XRRA1: variants seen among roughly 807,000 people sequenced by gnomAD.
XRRA1 encodes X-ray radiation resistance-associated protein 1.
In XRRA1, 69 loss-of-function variants were observed where a neutral mutation model predicts 80.2. The ratio of observed to expected loss-of-function variants is 0.86; its 90% CI spans 0.71 to 1.05. The LOEUF (loss-of-function observed/expected upper bound fraction) is 1.05. Among genes scored for constraint, XRRA1 ranks in the 50% least tolerant of loss-of-function variants. The pLI is 0.00. For missense variants in XRRA1, 967 were observed against 976.4 expected (o/e 0.99, Z 0.13); for synonymous variants, 348 against 389.9 (o/e 0.89, Z 1.27).
At position 74,863,853 on chromosome 11, in the gene XRRA1, A is replaced by C. The variant is rs377169713; in HGVS notation, c.1004-832T>G. 21 of 152,328 alleles carry C rather than the reference A, an allele frequency of 1.4e-4. No individual in the cohort carries two copies. The East Asian group carries it at 2.9e-3, about 21-fold the overall frequency. The allele number at this position is 152,328 out of a possible 1,614,324, so 9.4% of individuals were successfully genotyped here. On this transcript the variant is annotated intron_variant, in intron 10 of 18. Transcript: ENST00000684022. ...TTGGGAAAGCTTTGTGCAATGAACA[A>C]AGTAGGAATTCCCTGGGGGATGGGC... is the stretch of plus-strand genomic sequence containing the variant.
chr11:74,908,326 G>A (rs2055089056), intron 8 of XRRA1, among the ~76,000 whole-genome samples: 1 of 152,152 alleles, frequency 6.6e-6, no homozygotes, highest in Admixed American at 6.5e-5. Context: ...ACTAGAACCT[G>A]GGTCTGCCTG....
intron 10 of XRRA1, among the ~76,000 whole-genome samples, chr11:74,875,885 C>A (rs1218334392): frequency 6.6e-6 from 1 of 152,100 alleles, no homozygotes; most frequent in African/African-American, 2.4e-5. Flanking sequence ...TAATAATAAT[C>A]CCCTTAACAG....
chr11:74,907,786 T>A (rs1565379792), intron 8 of XRRA1, among the ~76,000 whole-genome samples: 1 of 152,182 alleles, frequency 6.6e-6, no homozygotes. Flanking sequence ...AGTGAGGCTC[T>A]CTTCTCAAGT....
intron 12 of XRRA1, among the ~76,000 whole-genome samples, chr11:74,858,759 G>C (rs1294873994): frequency 1.3e-5 from 2 of 152,152 alleles, no homozygotes; most frequent in African/African-American, 2.4e-5. Flanking sequence ...TATTAGGTTA[G>C]ACACCTCCCC....
intron 8 of XRRA1, chr11:74,919,639 A>G (rs1215932533): frequency 5.4e-6 from 3 of 558,220 alleles, no homozygotes; most frequent in South Asian, 1.5e-5. Context: ...TCTGCCATCA[A>G]TGAGGTGGTG....
At chr11:74,919,129 G>A (rs1355298966) in intron 8 of XRRA1, 1 of 152,168 alleles carries the variant, frequency 6.6e-6, no homozygotes, top group African/African-American at 2.4e-5. Flanking sequence ...TCTATCACTG[G>A]TGATATTTTA....
intron 10 of XRRA1, among the ~76,000 whole-genome samples, chr11:74,873,772 G>GGT (rs1191682610): frequency 2.0e-5 from 3 of 152,228 alleles, no homozygotes; most frequent in South Asian, 4.2e-4. Context: ...GAAGTACCTG[G>GGT]GTGTAGTGTT....
intron 8 of XRRA1, among the ~76,000 whole-genome samples, chr11:74,911,945 G>A (rs1052157815): frequency 3.3e-5 from 5 of 152,196 alleles, no homozygotes; most frequent in South Asian, 2.1e-4. Flanking sequence ...TATGAATTTC[G>A]GATCCTAAAG....
intron 8 of XRRA1, among the ~76,000 whole-genome samples, chr11:74,920,216 T>C (rs1940300019): frequency 6.6e-6 from 1 of 152,172 alleles, no homozygotes; most frequent in African/African-American, 2.4e-5. Context: ...AACCAATAAA[T>C]TCCCTTTTTT....
chr11:74,866,654 T>TAAAA (rs57326749), intron 10 of XRRA1, among the ~76,000 whole-genome samples: 7 of 135,378 alleles, frequency 5.2e-5, no homozygotes, highest in African/African-American at 1.9e-4. Flanking sequence ...TTGAAATAAT[T>TAAAA]AAAAAAAAAA....
chr11:74,851,992 G>A lies in XRRA1; in HGVS notation c.1261C>T (p.Arg421Ter), dbSNP rs201676904. ...FHNNPLVAHT[R>*]GVPPLLKSFL... ...GGCAGGTTTGCGGGCACTATACCTCGTGTATGGGCCACCAGAGGGTTGTTA... is the reference window on the plus strand; with the variant it reads ...GGCAGGTTTGCGGGCACTATACCTCATGTATGGGCCACCAGAGGGTTGTTA... Residue 421 changes from arginine to a stop codon, truncating the protein, a stop_gained, in exon 13 of 19, where the codon CGA becomes TGA. Transcript: ENST00000684022. LOFTEE classifies it high-confidence loss of function. 2.7e-4 allele frequency: 433 copies of A among 1,613,548 alleles called. 2 individuals are homozygous for A. The highest frequency in any genetic ancestry group is 6.7e-5 in the Admixed American group (4 of 60,002).
At position 74,843,491 on chromosome 11, in the gene XRRA1, C is replaced by G. The variant is rs564528281; in HGVS notation, c.2150-38G>C. 6.3e-6 allele frequency: 10 copies of G among 1,593,632 alleles called. 1 individual carries two copies. The South Asian group carries it at 1.1e-4, about 18-fold the overall frequency. On this transcript the variant is annotated intron_variant, in intron 18 of 18. Coordinates refer to ENST00000684022, the MANE Select transcript of XRRA1 (RefSeq NM_001378157.1). ...AAGCCAGGAGAGGCACCAAGCTCAT[C>G]CTGGTTCTCACCTAGCCAGAAGCAA...
In XRRA1 at chr11:74,845,210, T is replaced by A; in HGVS notation, c.1790A>T (p.Gln597Leu). Reference sequence around the variant, plus strand: ...TCTGGGTGCCGTTGGTGGTTTCTTTTGGTCTTTCTCCTTTAACTCTAAATC... The same window carrying A: ...TCTGGGTGCCGTTGGTGGTTTCTTTAGGTCTTTCTCCTTTAACTCTAAATC... Reference protein sequence around the residue: ...KDDLELKEKDQKKPPTAPREV... With the variant: ...KDDLELKEKDLKKPPTAPREV... Residue 597 changes from glutamine to leucine, a missense_variant, in exon 16 of 19, where the codon CAA (glutamine) becomes CTA (leucine). Physicochemically the swap from Gln to Leu is moderately radical, Grantham distance 113 (BLOSUM62 -2). Transcript: ENST00000684022. The A allele has an allele frequency of 6.2e-7, 1 of 1,614,056 alleles. No homozygotes were observed. Among genetic ancestry groups the A allele is most frequent in the East Asian group, 2.2e-5 (1 of 44,882 alleles).
chr11:74,857,992 T>C (rs1277906079), intron 12 of XRRA1, among the ~76,000 whole-genome samples: 1 of 152,202 alleles, frequency 6.6e-6, no homozygotes, highest in Admixed American at 6.5e-5. Flanking sequence ...TACATGCTTA[T>C]ATTAGAAAGA....
chr11:74,845,260 C>T lies in XRRA1; in HGVS notation c.1740G>A (p.Leu580=). The T allele has an allele frequency of 6.2e-7, 1 of 1,612,714 alleles. No individual in the cohort carries two copies. Among genetic ancestry groups the T allele is most frequent in the Non-Finnish European group, 8.5e-7 (1 of 1,179,168 alleles). The change falls in exon 16 of 19, where the codon CTG becomes CTA. Residue 580 remains leucine (L), a synonymous_variant. Coordinates refer to ENST00000684022, the MANE Select transcript of XRRA1 (RefSeq NM_001378157.1). ...CATCCTTATGGATGACGGAGGAAGGCAGTTCACTCACCTGTGCCCAGGAAG... is the reference window on the plus strand; with the variant it reads ...CATCCTTATGGATGACGGAGGAAGGTAGTTCACTCACCTGTGCCCAGGAAG... The part of the protein sequence containing the change: ...ESIFLTQVSE[L]PSSVIHKDDL...
chr11:74,883,537 G>A (rs913157835), intron 10 of XRRA1, among the ~76,000 whole-genome samples: 6 of 150,582 alleles, frequency 4.0e-5, no homozygotes, highest in African/African-American at 7.3e-5. Flanking sequence ...GGCTCCCAGC[G>A]GGATTCTTAA....
chr11:74,947,772 A>C (rs972607722), intron 1 of XRRA1, among the ~76,000 whole-genome samples: 2 of 151,810 alleles, frequency 1.3e-5, no homozygotes, highest in Admixed American at 6.6e-5. Context: ...AGTGATAATT[A>C]TTTTCTTTTC....
At chr11:74,931,878 T>A (rs541702286) in intron 5 of XRRA1, 1 of 152,240 alleles carries the variant, frequency 6.6e-6, no homozygotes. Context: ...CTACCTGCAG[T>A]GTATGAGAAG....
At chr11:74,856,804 T>C (rs1448619875) in intron 12 of XRRA1, among the ~76,000 whole-genome samples, 1 of 152,088 alleles carries the variant, frequency 6.6e-6, no homozygotes, top group Non-Finnish European at 1.5e-5. Context: ...CCCTTCTCCA[T>C]AGTTAACGAA....
Sources: gnomAD v4.1 joint callset for allele counts (sites outside exome capture counted in the v4.1 genomes callset) on GRCh38, gnomAD v4.1.1 for gene constraint, MANE v1.5 for transcripts, NCBI Gene and HGNC (gene_info 2026-07-23, HGNC 2026-07-21) for gene names.